THADA: variants seen among roughly 807,000 people sequenced by gnomAD.
THADA encodes tRNA (32-2'-O)-methyltransferase regulator THADA.
Under a neutral mutation model 219.8 loss-of-function variants are expected in THADA, and 213 were observed. That is an observed-to-expected ratio of 0.97 (90% CI 0.87 to 1.09). The LOEUF is 1.09. THADA is among the 50% of genes least tolerant of loss of function. The pLI is 0.00. For missense variants in THADA, 2,956 were observed against 2,311.3 expected (o/e 1.28, Z -5.72); for synonymous variants, 1,018 against 828.9 (o/e 1.23, Z -3.92).
At chr2:43,283,415 G>A (rs775982892) in intron 35 of THADA, among the ~76,000 whole-genome samples, 34 of 152,202 alleles carry the variant, frequency 2.2e-4, no homozygotes, top group Admixed American at 9.8e-4. Context: ...ACAGTTTGGA[G>A]GGCTCAGAAA....
chr2:43,302,828 G>A (rs907498781), intron 31 of THADA, among the ~76,000 whole-genome samples: 2 of 152,108 alleles, frequency 1.3e-5, no homozygotes, highest in Non-Finnish European at 2.9e-5. Flanking sequence ...GAGGCAGGAG[G>A]ATTGCTTGAG....
chr2:43,451,300 A>G (rs1037051282), intron 26 of THADA, among the ~76,000 whole-genome samples: 7 of 152,204 alleles, frequency 4.6e-5, no homozygotes, highest in Non-Finnish European at 1.0e-4. Flanking sequence ...TAGAAACTCT[A>G]AAGTGAAACT....
intron 22 of THADA, among the ~76,000 whole-genome samples, chr2:43,512,044 C>T (rs1481369171): frequency 1.3e-5 from 2 of 152,156 alleles, no homozygotes; most frequent in Non-Finnish European, 2.9e-5. Flanking sequence ...GTATTGCATA[C>T]TAAGAACCAA....
At chr2:43,463,995 T>G (rs112253588) in intron 26 of THADA, among the ~76,000 whole-genome samples, 2 of 152,208 alleles carry the variant, frequency 1.3e-5, no homozygotes, top group East Asian at 3.8e-4. Flanking sequence ...TTCTACTATG[T>G]AAGATCATTT....
chr2:43,430,948 G>A (rs1023375106), intron 26 of THADA, among the ~76,000 whole-genome samples: 5 of 152,334 alleles, frequency 3.3e-5, no homozygotes, highest in Admixed American at 6.5e-5. Flanking sequence ...CTTGGCATGT[G>A]AAGTTCTGGA....
intron 21 of THADA, among the ~76,000 whole-genome samples, chr2:43,536,501 T>G (rs959457130): frequency 1.3e-5 from 2 of 152,160 alleles, no homozygotes; most frequent in Non-Finnish European, 2.9e-5. Flanking sequence ...AACAGAAATT[T>G]AAATTCTAAT....
chr2:43,442,979 A>G (rs1412618606), intron 26 of THADA, among the ~76,000 whole-genome samples: 1 of 152,204 alleles, frequency 6.6e-6, no homozygotes, highest in Non-Finnish European at 1.5e-5. Flanking sequence ...TTCTTCCAGG[A>G]CACATTCCCT....
At chr2:43,500,287 G>A (rs1688785816) in intron 24 of THADA, among the ~76,000 whole-genome samples, 1 of 152,218 alleles carries the variant, frequency 6.6e-6, no homozygotes, top group African/African-American at 2.4e-5. Context: ...GAGAGCAAGA[G>A]GGGGCTTTCA....
At chr2:43,287,698 C>T (rs938352139) in intron 34 of THADA, among the ~76,000 whole-genome samples, 2 of 152,276 alleles carry the variant, frequency 1.3e-5, no homozygotes, top group Middle Eastern at 3.4e-3. Context: ...CAGCAAATAA[C>T]AACTTATTGT....
chr2:43,297,411 G>C (rs1319893496), intron 31 of THADA, among the ~76,000 whole-genome samples: 2 of 96,078 alleles, frequency 2.1e-5, no homozygotes, highest in South Asian at 3.9e-4. Flanking sequence ...AGTGAGGAGC[G>C]TCTCCGCCCG....
intron 26 of THADA, among the ~76,000 whole-genome samples, chr2:43,466,978 C>T (rs531828929): frequency 6.6e-6 from 1 of 151,552 alleles, no homozygotes; most frequent in African/African-American, 2.4e-5. Flanking sequence ...GTCAGGAGAT[C>T]GAGACCATCC....
rs1411418722 is a variant in THADA, at chr2:43,336,595, C to T, written c.4343+7527G>A. Among the ~76,000 whole-genome samples the T allele has an allele frequency of 7.2e-5, 11 of 151,900 alleles. No individual in the cohort carries two copies. The South Asian group carries it at 2.3e-3, about 32-fold the overall frequency. On this transcript the variant is annotated intron_variant, in intron 30 of 37. Transcript: ENST00000405975. ...CCCCAATTTTTTTTTTTTGAAGTGCCATAAGCCTCCACAACAATCAACCAC... is the reference window on the plus strand; with the variant it reads ...CCCCAATTTTTTTTTTTTGAAGTGCTATAAGCCTCCACAACAATCAACCAC...
intron 28 of THADA, among the ~76,000 whole-genome samples, chr2:43,423,902 A>T (rs982930227): frequency 1.3e-5 from 2 of 152,186 alleles, no homozygotes; most frequent in Non-Finnish European, 2.9e-5. Context: ...GGTGAGCTGC[A>T]TTCAGAGAGC....
intron 28 of THADA, among the ~76,000 whole-genome samples, chr2:43,406,786 G>C (rs1400580945): frequency 6.6e-6 from 1 of 152,150 alleles, no homozygotes; most frequent in Admixed American, 6.5e-5. Flanking sequence ...GCCACACTCT[G>C]GTCTACTGTT....
intron 26 of THADA, among the ~76,000 whole-genome samples, chr2:43,479,419 C>A (rs1685917428): frequency 6.6e-6 from 1 of 151,956 alleles, no homozygotes. Flanking sequence ...CCTAGGTCCT[C>A]TCAAAGATAA....
chr2:43,357,181 T>C (rs62137418), intron 29 of THADA, among the ~76,000 whole-genome samples: 11,760 of 152,168 alleles, frequency 0.077, 592 homozygotes, highest in South Asian at 0.18. Context: ...AGCCAATAAA[T>C]GTATCAGAAA....
At chr2:43,366,398 G>A (rs1326858336) in intron 29 of THADA, among the ~76,000 whole-genome samples, 1 of 152,128 alleles carries the variant, frequency 6.6e-6, no homozygotes, top group Non-Finnish European at 1.5e-5. Context: ...CACAGGAAGA[G>A]GTCACAGATA....
chr2:43,433,512 G>C (rs1679658039), intron 26 of THADA, among the ~76,000 whole-genome samples: 2 of 151,974 alleles, frequency 1.3e-5, no homozygotes, highest in Non-Finnish European at 2.9e-5. Context: ...CTGGGCGACA[G>C]AGTGAGACTC....
At chr2:43,499,072 T>C (rs1256639561) in intron 24 of THADA, 117 bp from the exon 25 acceptor site, 1 of 1,107,852 alleles carries the variant, frequency 9.0e-7, no homozygotes, top group East Asian at 2.7e-5. Context: ...AAGAAATGGA[T>C]AATCCGCAAA....
Sources: gnomAD v4.1 joint callset for allele counts (sites outside exome capture counted in the v4.1 genomes callset) on GRCh38, gnomAD v4.1.1 for gene constraint, MANE v1.5 for transcripts, NCBI Gene and HGNC (gene_info 2026-07-23, HGNC 2026-07-21) for gene names.